Variants in PRKG2 observed in about 807,000 individuals in gnomAD.
PRKG2 encodes the protein cGMP-dependent protein kinase 2.
Under a neutral mutation model 97.2 loss-of-function variants are expected in PRKG2, and 33 were observed. The ratio of observed to expected loss-of-function variants is 0.34; its 90% CI spans 0.26 to 0.45. PRKG2 has a LOEUF of 0.45. Ranked by LOEUF, PRKG2 falls within the 20% of genes least tolerant of loss-of-function variation. PRKG2 has a pLI of 1.00. For missense variants in PRKG2, 638 were observed against 900.0 expected (o/e 0.71, Z 3.73); for synonymous variants, 330 against 321.8 (o/e 1.03, Z -0.27).
intron 6 of PRKG2, 93 bp from the exon 7 acceptor site, chr4:81,153,814 G>C (rs1158011051): frequency 3.2e-5 from 28 of 862,346 alleles, no homozygotes; most frequent in Non-Finnish European, 4.5e-5. Flanking sequence ...CAGCGTGAGC[G>C]GCGCAGAAGA....
chr4:81,119,389 T>TTTGCTTA (rs377558391), intron 14 of PRKG2, among the ~76,000 whole-genome samples: 2 of 152,374 alleles, frequency 1.3e-5, no homozygotes, highest in East Asian at 3.9e-4. Flanking sequence ...CATGTATTGC[T>TTTGCTTA]TTGCTTATTT....
intron 9 of PRKG2, among the ~76,000 whole-genome samples, chr4:81,147,922 T>C (rs1245915830): frequency 1.3e-5 from 2 of 152,096 alleles, no homozygotes; most frequent in African/African-American, 4.8e-5. Flanking sequence ...TTAAAAATAG[T>C]GTGGAGATAG....
At chr4:81,095,681 T>TA (rs1742042875) in intron 17 of PRKG2, among the ~76,000 whole-genome samples, 1 of 152,148 alleles carries the variant, frequency 6.6e-6, no homozygotes, top group Non-Finnish European at 1.5e-5. Flanking sequence ...CAGTGGTGTG[T>TA]AAAAAATATT....
At chr4:81,145,702 C>T (rs1747792776) in intron 9 of PRKG2, among the ~76,000 whole-genome samples, 1 of 152,130 alleles carries the variant, frequency 6.6e-6, no homozygotes, top group Admixed American at 6.6e-5. Flanking sequence ...CTCCAACAAT[C>T]CATCTTGACT....
intron 17 of PRKG2, among the ~76,000 whole-genome samples, chr4:81,095,124 G>T (rs1187331236): frequency 2.0e-5 from 3 of 152,144 alleles, no homozygotes; most frequent in Non-Finnish European, 4.4e-5. Flanking sequence ...TTTAGTGCTT[G>T]ACTGGATTTC....
intron 1 of PRKG2, among the ~76,000 whole-genome samples, chr4:81,212,269 T>C (rs1754016825): frequency 6.6e-6 from 1 of 152,126 alleles, no homozygotes; most frequent in African/African-American, 2.4e-5. Flanking sequence ...AGGTTGGTTA[T>C]CTCTTTAAAG....
At chr4:81,131,794 CTGAGT>C (rs1186933598) in intron 14 of PRKG2, among the ~76,000 whole-genome samples, 1 of 152,092 alleles carries the variant, frequency 6.6e-6, no homozygotes, top group African/African-American at 2.4e-5. Context: ...TTCTATTAGA[CTGAGT>C]TATTTGTCTT....
chr4:81,128,530 G>A lies in PRKG2; in HGVS notation c.1776+6625C>T, dbSNP rs111512149. ...CAGAACTTGTTATTCATCTATTCAG[G>A]GATTCGACTTCTTCCCGGTTTAGCC... On this transcript the variant is annotated intron_variant, in intron 14 of 18. Transcript: ENST00000264399. Among the ~76,000 whole-genome samples, 1,014 of 152,158 alleles carry A rather than the reference G, an allele frequency of 6.7e-3. 13 individuals carry two copies. Among genetic ancestry groups the A allele is most frequent in the African/African-American group, 0.023 (947 of 41,514 alleles).
intron 2 of PRKG2, among the ~76,000 whole-genome samples, chr4:81,203,133 CTGGA>C (rs928498734): frequency 2.6e-5 from 4 of 151,744 alleles, no homozygotes; most frequent in Non-Finnish European, 4.4e-5. Flanking sequence ...GAAGAGAACA[CTGGA>C]TGATGTTCAG....
Position 81,105,919 on chromosome 4 carries a change from C to G in PRKG2, c.1957G>C (p.Val653Leu). 6.2e-7 allele frequency: 1 copy of G among 1,613,548 alleles called. No homozygotes were observed. The highest frequency in any genetic ancestry group is 1.7e-5 in the Admixed American group (1 of 59,992). ...AAATTGTAGGTCATCATTTGGTCAA[C>G]CCCAGAAAAGGGTGGGCTAGATAGA... is the stretch of plus-strand genomic sequence containing the variant. ...LLTGNPPFSG[V>L]DQMMTYNLIL... The change falls in exon 16 of 19, where the codon GTT becomes CTT. Residue 653 changes from valine to leucine, a missense_variant. Physicochemically the swap from Val to Leu is conservative, Grantham distance 32. Around this residue, in one of 3 missense-constraint regions of PRKG2, gnomAD observed 304 missense variants for 460.5 expected, o/e 0.66. Transcript: ENST00000264399.
At chr4:81,184,136 G>A (rs762752182) in intron 2 of PRKG2, among the ~76,000 whole-genome samples, 2 of 152,202 alleles carry the variant, frequency 1.3e-5, no homozygotes, top group Admixed American at 6.5e-5. Flanking sequence ...CACAGAGCTC[G>A]AGCTCTGCTA....
chr4:81,118,971 GTT>G (rs1054756343), intron 14 of PRKG2, among the ~76,000 whole-genome samples: 5 of 151,872 alleles, frequency 3.3e-5, no homozygotes, highest in Admixed American at 2.6e-4. Context: ...ATTTTTTTGT[GTT>G]TTTTGTAGAG....
intron 9 of PRKG2, among the ~76,000 whole-genome samples, chr4:81,144,954 T>C (rs185023953): frequency 3.4e-4 from 52 of 152,204 alleles, no homozygotes; most frequent in Admixed American, 2.9e-3. Context: ...TTTTTATGGC[T>C]GCACAGTATT....
chr4:81,142,679 A>G lies in PRKG2; in HGVS notation c.1407+115T>C. On this transcript the variant is annotated intron_variant, in intron 11 of 18. Coordinates refer to ENST00000264399, the MANE Select transcript of PRKG2 (RefSeq NM_006259.3). ...GTTTACTTTCTCAATTTCAGTTCAA[A>G]GCAACATTTAAGATAGCAGTAACAA... 5.5e-6 allele frequency: 7 copies of G among 1,273,088 alleles called. 1 individual carries two copies. The South Asian group carries it at 1.4e-4, about 26-fold the overall frequency. The allele number at this position is 1,273,088 out of a possible 1,614,324, so 78.9% of individuals were successfully genotyped here.
intron 14 of PRKG2, 122 bp from the exon 15 acceptor site, chr4:81,110,733 A>T: frequency 1.3e-6 from 1 of 756,466 alleles, no homozygotes; most frequent in Non-Finnish European, 2.1e-6. Context: ...CCATGCACAC[A>T]CACACACACA....
At chr4:81,126,920 G>T (rs947086914) in intron 14 of PRKG2, among the ~76,000 whole-genome samples, 8 of 152,122 alleles carry the variant, frequency 5.3e-5, no homozygotes, top group African/African-American at 1.7e-4. Flanking sequence ...ATTGCTTTTG[G>T]TGTTTTAGTC....
intron 6 of PRKG2, among the ~76,000 whole-genome samples, chr4:81,160,167 T>C (rs2110071159): frequency 6.6e-6 from 1 of 152,196 alleles, no homozygotes; most frequent in African/African-American, 2.4e-5. Flanking sequence ...TGGAGACACA[T>C]AATTGAAGAC....
At chr4:81,092,228 A>T (rs1171368586) in intron 18 of PRKG2, among the ~76,000 whole-genome samples, 158 bp downstream of exon 18, 1 of 152,086 alleles carries the variant, frequency 6.6e-6, no homozygotes, top group Non-Finnish European at 1.5e-5. Flanking sequence ...CCCTATAATC[A>T]CAATTATAAG....
At chr4:81,113,316 C>T (rs570726956) in intron 14 of PRKG2, among the ~76,000 whole-genome samples, 1 of 151,972 alleles carries the variant, frequency 6.6e-6, no homozygotes, top group African/African-American at 2.4e-5. Context: ...GACACCCTCC[C>T]CTTTTTTTTC....
Sources: allele counts gnomAD v4.1 joint callset (sites outside exome capture counted in the v4.1 genomes callset), GRCh38; gene constraint gnomAD v4.1.1; regional missense constraint gnomAD v4.1.1; transcripts MANE v1.5; gene names NCBI Gene and HGNC (gene_info 2026-07-23, HGNC 2026-07-21).